The following GREB1L variants were observed in gnomAD, a reference collection of about 807,000 sequenced individuals.
GREB1L encodes GREB1-like protein.
Under a neutral mutation model 200.8 loss-of-function variants are expected in GREB1L, and 17 were observed. The ratio of observed to expected loss-of-function variants is 0.08; its 90% CI spans 0.06 to 0.13. The LOEUF (loss-of-function observed/expected upper bound fraction) is 0.13. Among genes scored for constraint, GREB1L ranks in the 10% least tolerant of loss-of-function variants. The pLI, the probability that GREB1L is intolerant of heterozygous loss-of-function variation, is 1.00. For missense variants in GREB1L, 1,657 were observed against 2,367.7 expected (o/e 0.70, Z 6.23); for synonymous variants, 789 against 893.0 (o/e 0.88, Z 2.08).
At chr18:21,400,604 AC>A (rs1240469360) in intron 5 of GREB1L, among the ~76,000 whole-genome samples, 1 of 152,180 alleles carries the variant, frequency 6.6e-6, no homozygotes, top group Non-Finnish European at 1.5e-5. Context: ...CTAAAACCTT[AC>A]AAATCCAGGG....
chr18:21,251,125 C>A (rs143302054), intron 1 of GREB1L, among the ~76,000 whole-genome samples: 1 of 152,246 alleles, frequency 6.6e-6, no homozygotes, highest in East Asian at 1.9e-4. Flanking sequence ...TCGAGACTAG[C>A]CTGGGCAATG....
chr18:21,246,181 C>T (rs1598601806), intron 1 of GREB1L, among the ~76,000 whole-genome samples: 1 of 151,850 alleles, frequency 6.6e-6, no homozygotes, highest in East Asian at 1.9e-4. Flanking sequence ...AGCTCTAGTA[C>T]TCATTGGCAA....
intron 1 of GREB1L, among the ~76,000 whole-genome samples, chr18:21,327,990 A>C (rs1027854726): frequency 3.9e-5 from 6 of 152,198 alleles, no homozygotes; most frequent in African/African-American, 1.4e-4. Context: ...CTGGGATTAC[A>C]GGCGTGAGCC....
In GREB1L at chr18:21,496,706, C is replaced by CT; in HGVS notation, c.3391+11dup. ...CTGTCACAGGGACCTCGGGTCAGTA[C>CT]TTTCTTTTCTCTTTCATGGAGTGAG... On this transcript the variant is annotated intron_variant, in intron 21 of 32. Transcript: ENST00000424526. The CT allele has an allele frequency of 6.5e-7, 1 of 1,550,270 alleles. No individual in the cohort carries two copies. Among genetic ancestry groups the CT allele is most frequent in the Non-Finnish European group, 8.7e-7 (1 of 1,146,720 alleles).
At chr18:21,366,181 A>G (rs1311802253) in intron 2 of GREB1L, 45 bp downstream of exon 2, 2 of 152,102 alleles carry the variant, frequency 1.3e-5, no homozygotes, top group African/African-American at 2.4e-5. Flanking sequence ...TTCAAGATCA[A>G]ATTTGTTTTA....
intron 1 of GREB1L, among the ~76,000 whole-genome samples, chr18:21,327,667 A>G (rs1598661562): frequency 1.3e-5 from 2 of 150,276 alleles, no homozygotes; most frequent in African/African-American, 2.4e-5. Flanking sequence ...AAAAAAAGGA[A>G]GAAAGAAGAA....
chr18:21,477,173 A>G lies in GREB1L; in HGVS notation c.2373A>G (p.Ser791=). ...TTCAATTTTTCTACAGTGTCATTTC[A>G]GGCTCTTTGTCACATAGCGAACCCA... is the stretch of plus-strand genomic sequence containing the variant. ...NSHVELTSVI[S]GSLSHSEPSH... The change falls in exon 17 of 33, where the codon TCA becomes TCG. Residue 791 remains serine (S), a synonymous_variant. Transcript: ENST00000424526. 9 of 1,550,184 alleles carry G rather than the reference A, an allele frequency of 5.8e-6. No homozygotes were observed. The highest frequency in any genetic ancestry group is 7.9e-6 in the Non-Finnish European group (9 of 1,145,792).
At position 21,254,071 on chromosome 18, in the gene GREB1L, T is replaced by G. The variant is rs1268367147; in HGVS notation, c.-120+11678T>G. 6.1e-4 allele frequency among the ~76,000 whole-genome samples: 86 copies of G among 140,552 alleles called. 2 individuals are homozygous for G. The highest frequency in any genetic ancestry group is 2.5e-4 in the Non-Finnish European group (16 of 64,982). 92.2% of individuals were successfully genotyped at this position (140,552 alleles called of 152,430 possible). A position where few individuals can be genotyped will look rare whatever the true frequency, so the allele number is the denominator to read the frequency against. On this transcript the variant is annotated intron_variant, in intron 1 of 32. Coordinates refer to ENST00000424526, the MANE Select transcript of GREB1L (RefSeq NM_001142966.3). ...CAGGCTTTCAGGCATATTTTTTTTT[T>G]TTTTTTTTTTTTTTTTGCTAGAGAG...
chr18:21,453,362 G>A (rs2034614602), intron 14 of GREB1L, among the ~76,000 whole-genome samples: 1 of 152,168 alleles, frequency 6.6e-6, no homozygotes, highest in South Asian at 2.1e-4. Flanking sequence ...TGGTAACTGG[G>A]ATATGTTGAC....
At chr18:21,336,826 C>G (rs2039192551) in intron 1 of GREB1L, among the ~76,000 whole-genome samples, 1 of 152,210 alleles carries the variant, frequency 6.6e-6, no homozygotes, top group Admixed American at 6.5e-5. Context: ...CAGAATTTAT[C>G]TTTGCAGACT....
chr18:21,269,158 A>G (rs1313780119), intron 1 of GREB1L, among the ~76,000 whole-genome samples: 3 of 152,204 alleles, frequency 2.0e-5, no homozygotes, highest in Admixed American at 6.5e-5. Context: ...ACAGAAAACT[A>G]GAGTGCAAAG....
chr18:21,344,329 A>G (rs2039312666), intron 1 of GREB1L, among the ~76,000 whole-genome samples: 1 of 152,042 alleles, frequency 6.6e-6, no homozygotes, highest in Admixed American at 6.5e-5. Context: ...TGAACTCGGG[A>G]GGTGGAGGTT....
intron 2 of GREB1L, among the ~76,000 whole-genome samples, chr18:21,372,483 GA>G (rs1007504393): frequency 6.6e-5 from 10 of 151,912 alleles, no homozygotes; most frequent in South Asian, 6.2e-4. Context: ...TGACACGAGA[GA>G]TTTTTTTTGC....
chr18:21,283,510 T>C (rs2144484893), intron 1 of GREB1L, among the ~76,000 whole-genome samples: 1 of 152,364 alleles, frequency 6.6e-6, no homozygotes, highest in South Asian at 2.1e-4. Context: ...GATTTGGAGC[T>C]GTGCTTTACT....
chr18:21,395,582 A>T (rs1567976067), intron 5 of GREB1L, 21 bp downstream of exon 5: 3 of 1,512,752 alleles, frequency 2.0e-6, no homozygotes, highest in Non-Finnish European at 2.7e-6. Context: ...CATGCTTATA[A>T]AATTCCTTCC....
chr18:21,435,356 C>A (rs1307075366), intron 7 of GREB1L, among the ~76,000 whole-genome samples: 1 of 152,192 alleles, frequency 6.6e-6, no homozygotes, highest in Non-Finnish European at 1.5e-5. Context: ...TAACTAGGAA[C>A]TGGGAATACA....
intron 1 of GREB1L, among the ~76,000 whole-genome samples, chr18:21,263,107 G>C (rs559830732): frequency 6.2e-4 from 94 of 152,322 alleles, no homozygotes; most frequent in African/African-American, 2.2e-3. Flanking sequence ...CAGGGAAGGT[G>C]GGGGATGGGG....
At chr18:21,493,143 C>T (rs2036406605) in intron 19 of GREB1L, among the ~76,000 whole-genome samples, 1 of 152,172 alleles carries the variant, frequency 6.6e-6, no homozygotes, top group East Asian at 1.9e-4. Flanking sequence ...CCTCCTTCAC[C>T]ATTTTCAGGA....
At chr18:21,491,078 A>G (rs1598919666) in intron 19 of GREB1L, among the ~76,000 whole-genome samples, 1 of 151,910 alleles carries the variant, frequency 6.6e-6, no homozygotes, top group Non-Finnish European at 1.5e-5. Context: ...CTAACTCCCT[A>G]CCTTATGCCT....
Sources: allele counts gnomAD v4.1 joint callset (sites outside exome capture counted in the v4.1 genomes callset), GRCh38; gene constraint gnomAD v4.1.1; transcripts MANE v1.5; gene names NCBI Gene and HGNC (gene_info 2026-07-23, HGNC 2026-07-21).